Variants in TAF3 observed in about 807,000 individuals in gnomAD.
The protein encoded by TAF3 is TATA-box binding protein associated factor 3.
A neutral mutation model predicts 80.6 loss-of-function variants in TAF3; 7 were observed. That is an observed-to-expected ratio of 0.09 (90% CI 0.05 to 0.16). TAF3 has a LOEUF of 0.16. Ranked by LOEUF, TAF3 falls within the 10% of genes least tolerant of loss-of-function variation. TAF3 has a pLI of 1.00. For missense variants in TAF3, 921 were observed against 1,140.2 expected, an observed-to-expected ratio of 0.81 and a Z score of 2.77; for synonymous variants, 444 against 446.1, an observed-to-expected ratio of 1.00 and a Z score of 0.06.
intron 2 of TAF3, among the ~76,000 whole-genome samples, chr10:7,910,537 C>T (rs550548307): frequency 3.9e-5 from 6 of 152,044 alleles, no homozygotes; most frequent in East Asian, 1.9e-4. Context: ...CCCGCCATCA[C>T]GCCTGGCTAA....
At chr10:7,895,449 G>A (rs1366879229) in intron 2 of TAF3, among the ~76,000 whole-genome samples, 1 of 152,210 alleles carries the variant, frequency 6.6e-6, no homozygotes, top group Non-Finnish European at 1.5e-5. Context: ...TTTGAAGACA[G>A]ACAATGCTTT....
intron 4 of TAF3, among the ~76,000 whole-genome samples, chr10:8,002,293 G>T (rs59915097): frequency 6.6e-6 from 1 of 151,842 alleles, no homozygotes. Flanking sequence ...TTGATATCCC[G>T]TATTTCTCTC....
chr10:7,971,656 A>G (rs1737226838), intron 3 of TAF3, among the ~76,000 whole-genome samples: 1 of 152,194 alleles, frequency 6.6e-6, no homozygotes, highest in Non-Finnish European at 1.5e-5. Flanking sequence ...CTTTTTAAAA[A>G]TCCACCTCTT....
At chr10:7,955,130 T>A (rs1838123180) in intron 2 of TAF3, among the ~76,000 whole-genome samples, 1 of 152,254 alleles carries the variant, frequency 6.6e-6, no homozygotes, top group South Asian at 2.1e-4. Flanking sequence ...TAAATATACC[T>A]AAATTCAGAC....
At chr10:7,826,027 A>G (rs902448287) in intron 2 of TAF3, among the ~76,000 whole-genome samples, 1 of 152,180 alleles carries the variant, frequency 6.6e-6, no homozygotes, top group East Asian at 1.9e-4. Context: ...CTTTAATAGC[A>G]TTTTGAAGTG....
chr10:7,998,697 G>A (rs1054215627), intron 4 of TAF3, among the ~76,000 whole-genome samples: 28 of 152,102 alleles, frequency 1.8e-4, no homozygotes, highest in African/African-American at 6.3e-4. Flanking sequence ...AAATCAGCCG[G>A]GTGTGGTGAT....
At chr10:7,988,557 A>C (rs954087929) in intron 4 of TAF3, among the ~76,000 whole-genome samples, 1 of 126,638 alleles carries the variant, frequency 7.9e-6, no homozygotes, top group Non-Finnish European at 1.6e-5. Context: ...TGGGCAACAG[A>C]GTGAGACCCT....
rs1218836662 is a variant in TAF3, at chr10:7,863,626, A to AAAATATAT, written c.409+39067_409+39068insAATATATA. On this transcript the variant is annotated intron_variant, in intron 2 of 6. Coordinates refer to ENST00000344293, the MANE Select transcript of TAF3 (RefSeq NM_031923.4). ...CTCTGTCTAAAAAAAAAAAAAAAAA[A>AAAATATAT]ATATATATATATATATATATACACA... 5.4e-4 allele frequency among the ~76,000 whole-genome samples: 26 copies of AAAATATAT among 48,096 alleles called. 3 individuals carry two copies. Among genetic ancestry groups the AAAATATAT allele is most frequent in the East Asian group, 5.2e-3 (5 of 970 alleles). 31.6% of individuals were successfully genotyped at this position (48,096 alleles called of 152,430 possible).
chr10:7,984,259 T>C (rs1415938509), intron 4 of TAF3, among the ~76,000 whole-genome samples: 1 of 152,232 alleles, frequency 6.6e-6, no homozygotes, highest in Non-Finnish European at 1.5e-5. Context: ...TGTTTATTCA[T>C]TAACACCAAA....
At chr10:7,993,901 T>C (rs1434117514) in intron 4 of TAF3, among the ~76,000 whole-genome samples, 1 of 150,376 alleles carries the variant, frequency 6.6e-6, no homozygotes. Flanking sequence ...TTTTTTTTTT[T>C]TTTACTTGCC....
chr10:7,832,967 A>G (rs1398738050), intron 2 of TAF3, among the ~76,000 whole-genome samples: 1 of 152,198 alleles, frequency 6.6e-6, no homozygotes, highest in African/African-American at 2.4e-5. Context: ...AGTCTGAGGC[A>G]GGAGGATGAT....
At chr10:7,986,579 A>G (rs1169286367) in intron 4 of TAF3, among the ~76,000 whole-genome samples, 1 of 152,158 alleles carries the variant, frequency 6.6e-6, no homozygotes, top group Non-Finnish European at 1.5e-5. Flanking sequence ...TCCCAAGCTG[A>G]ACAAAACCAA....
intron 2 of TAF3, among the ~76,000 whole-genome samples, chr10:7,915,065 T>C (rs1483136412): frequency 6.6e-6 from 1 of 150,410 alleles, no homozygotes; most frequent in African/African-American, 2.4e-5. Context: ...CTCAGCCTCC[T>C]GAGTAGCTGG....
intron 2 of TAF3, among the ~76,000 whole-genome samples, chr10:7,887,648 C>T (rs4747622): frequency 0.29 from 44,400 of 151,852 alleles, 7,827 homozygotes; most frequent in Non-Finnish European, 0.38. Flanking sequence ...AGATAAGAGC[C>T]GCTGGGAGTG....
chr10:7,845,706 G>T (rs1009680278), intron 2 of TAF3, among the ~76,000 whole-genome samples: 13 of 152,324 alleles, frequency 8.5e-5, no homozygotes, highest in African/African-American at 3.1e-4. Context: ...GCCTTACTCC[G>T]TGTGGCTGTA....
In TAF3 at chr10:8,014,012, A is replaced by G. The variant is rs189854376; in HGVS notation, c.2675+175A>G. Among the ~76,000 whole-genome samples the G allele has an allele frequency of 3.6e-5, 5 of 139,518 alleles. No individual in the cohort carries two copies. The East Asian group carries it at 9.6e-4, about 27-fold the overall frequency. The allele number at this position is 139,518 out of a possible 152,430, so 91.5% of individuals were successfully genotyped here. A position where few individuals can be genotyped will look rare whatever the true frequency, so the allele number is the denominator to read the frequency against. ...AGTGCAATTAACTGCAAAACCCAAG[A>G]GTGCTTAGACTATTGTTATTCACCC... On this transcript the variant is annotated intron_variant, in intron 6 of 6. Transcript: ENST00000344293.
intron 4 of TAF3, among the ~76,000 whole-genome samples, chr10:7,983,237 TC>T (rs1168300921): frequency 2.0e-5 from 3 of 152,168 alleles, no homozygotes; most frequent in Non-Finnish European, 2.9e-5. Context: ...GGACTTCGCT[TC>T]AGCAGCCCCT....
chr10:7,996,330 G>A (rs1831887115), intron 4 of TAF3, among the ~76,000 whole-genome samples: 1 of 152,168 alleles, frequency 6.6e-6, no homozygotes, highest in African/African-American at 2.4e-5. Context: ...TCCCCACAGT[G>A]TAGCTGGCTG....
chr10:7,913,054 C>T (rs1004244405), intron 2 of TAF3, among the ~76,000 whole-genome samples: 1 of 152,096 alleles, frequency 6.6e-6, no homozygotes, highest in African/African-American at 2.4e-5. Context: ...TGCAGGTGGG[C>T]GCCTCACGCA....
Sources: gnomAD v4.1 joint callset for allele counts (sites outside exome capture counted in the v4.1 genomes callset) on GRCh38, gnomAD v4.1.1 for gene constraint, MANE v1.5 for transcripts, NCBI Gene and HGNC (gene_info 2026-07-23, HGNC 2026-07-21) for gene names.